The following CYB5R4 variants were observed in gnomAD, a reference collection of about 807,000 sequenced individuals.
The protein encoded by CYB5R4 is N-terminal cytochrome b5 and cytochrome b5 oxidoreductase domain-containing protein.
In CYB5R4, 55 loss-of-function variants were observed where a neutral mutation model predicts 70.2. The observed-to-expected ratio is 0.78, with a 90% confidence interval of 0.63 to 0.98. CYB5R4 has a LOEUF of 0.98. Ranked by LOEUF, CYB5R4 falls within the 50% of genes least tolerant of loss-of-function variation. The probability of loss-of-function intolerance (pLI) is 0.00; values close to 1 mark genes in which losing one functional copy is unlikely to be tolerated. For synonymous variants in CYB5R4, 197 were observed against 199.5 expected, an observed-to-expected ratio of 0.99 and a Z score of 0.11; for missense variants, 562 against 612.6, an observed-to-expected ratio of 0.92 and a Z score of 0.87.
chr6:83,924,120 A>T, intron 9 of CYB5R4, among the ~76,000 whole-genome samples: 1 of 145,472 alleles, frequency 6.9e-6, no homozygotes, highest in Admixed American at 6.8e-5. Flanking sequence ...GGGGCATTCG[A>T]TGCTAATTTG....
At chr6:83,922,096 C>T (rs879774996) in intron 8 of CYB5R4, among the ~76,000 whole-genome samples, 1 of 152,100 alleles carries the variant, frequency 6.6e-6, no homozygotes, top group Non-Finnish European at 1.5e-5. Flanking sequence ...CTGGGGCTTG[C>T]GTGCTTCAGG....
At chr6:83,873,388 G>A (rs577114013) in intron 2 of CYB5R4, among the ~76,000 whole-genome samples, 28 of 151,170 alleles carry the variant, frequency 1.9e-4, no homozygotes, top group Non-Finnish European at 3.0e-4. Context: ...TACAGGCACC[G>A]ATCACCACAC....
At position 83,940,546 on chromosome 6, in the gene CYB5R4, G is replaced by A; in HGVS notation, c.1291G>A (p.Glu431Lys). 1 of 1,595,422 alleles carries A rather than the reference G, an allele frequency of 6.3e-7. No homozygotes were observed. The highest frequency in any genetic ancestry group is 8.5e-7 in the Non-Finnish European group (1 of 1,174,628). Residue 431 changes from glutamate (E) to lysine (K), a missense_variant, in exon 14 of 16, where the codon GAA (glutamate) becomes AAA (lysine). Physicochemically the swap from Glu to Lys is moderately conservative, Grantham distance 56 (BLOSUM62 1). Coordinates refer to ENST00000369681, the MANE Select transcript of CYB5R4 (RefSeq NM_016230.4). ...KVKLMFFNKTEDDIIWRSQLE... is the reference protein window; with the variant it reads ...KVKLMFFNKTKDDIIWRSQLE... ...GAAGCTGATGTTCTTCAATAAAACAGAAGATGATATAATTTGGAGAAGCCA... is the reference window on the plus strand; with the variant it reads ...GAAGCTGATGTTCTTCAATAAAACAAAAGATGATATAATTTGGAGAAGCCA...
intron 3 of CYB5R4, among the ~76,000 whole-genome samples, chr6:83,902,847 G>T (rs907681556): frequency 2.0e-5 from 3 of 152,006 alleles, no homozygotes; most frequent in East Asian, 1.9e-4. Context: ...TTGGCGTATA[G>T]AAACACTGCT....
At chr6:83,900,328 G>C (rs575988011) in intron 3 of CYB5R4, among the ~76,000 whole-genome samples, 13 of 152,306 alleles carry the variant, frequency 8.5e-5, no homozygotes, top group African/African-American at 2.6e-4. Context: ...TGTGGTCTGA[G>C]AGACAGTTTG....
intron 3 of CYB5R4, among the ~76,000 whole-genome samples, chr6:83,900,338 G>T (rs183330440): frequency 6.6e-6 from 1 of 152,140 alleles, no homozygotes; most frequent in Non-Finnish European, 1.5e-5. Context: ...GAGACAGTTT[G>T]TTATAATTTC....
chr6:83,946,060 C>G (rs2099470560), intron 14 of CYB5R4, among the ~76,000 whole-genome samples: 1 of 152,166 alleles, frequency 6.6e-6, no homozygotes, highest in African/African-American at 2.4e-5. Context: ...GGAATCCTCC[C>G]TAACTCATTT....
intron 12 of CYB5R4, among the ~76,000 whole-genome samples, chr6:83,938,472 G>A (rs1008756066): frequency 3.7e-4 from 57 of 152,190 alleles, no homozygotes; most frequent in African/African-American, 1.2e-3. Context: ...TTTCAATCCC[G>A]TGTTCACTAA....
rs568458067 is a variant in CYB5R4 at position 83,889,057 on chromosome 6, G to A, written c.230-4465G>A. Among the ~76,000 whole-genome samples, 18 of 152,324 alleles carry A rather than the reference G, an allele frequency of 1.2e-4. No homozygotes were observed. In the South Asian group the frequency reaches 2.7e-3, roughly 23 times the overall value. On this transcript the variant is annotated intron_variant, in intron 2 of 15. Transcript: ENST00000369681. ...TTCTAGGAAGGCTGAGAGAGGTGAGGAAGCTGTGGAAGAAAAGTTAGAAAC... is the reference window on the plus strand; with the variant it reads ...TTCTAGGAAGGCTGAGAGAGGTGAGAAAGCTGTGGAAGAAAAGTTAGAAAC...
rs372234018 is a variant in CYB5R4 at position 83,943,421 on chromosome 6, C to A, written c.1346+2820C>A. On this transcript the variant is annotated intron_variant, in intron 14 of 15. Transcript: ENST00000369681. ...AAACAGAAAGCAATAGCATCAACAT[C>A]AAAAAAAAAAGGATGACCAAGCAAA... 5.5e-4 allele frequency among the ~76,000 whole-genome samples: 81 copies of A among 146,570 alleles called. No homozygotes were observed. The South Asian group carries it at 7.2e-3, about 13-fold the overall frequency.
chr6:83,904,416 T>C (rs890586639), intron 3 of CYB5R4, among the ~76,000 whole-genome samples: 1 of 152,212 alleles, frequency 6.6e-6, no homozygotes, highest in Admixed American at 6.5e-5. Flanking sequence ...ATTTCAGTGC[T>C]TAAAAATATG....
chr6:83,936,277 T>C lies in CYB5R4; in HGVS notation c.1009T>C (p.Phe337Leu), dbSNP rs915296010. 6.2e-7 allele frequency: 1 copy of C among 1,611,238 alleles called. No individual in the cohort carries two copies. Among genetic ancestry groups the C allele is most frequent in the Non-Finnish European group, 8.5e-7 (1 of 1,178,602 alleles). ...TGTATCTGGTTCCTTACTCTCAGAG[T>C]TCAAGGAACCAGTTCTTCCCAACAA... ...TPVSGSLLSE[F>L]KEPVLPNNKY... Residue 337 changes from phenylalanine to leucine, a missense_variant, in exon 12 of 16, where the codon TTC (phenylalanine) becomes CTC (leucine). Coordinates refer to ENST00000369681, the MANE Select transcript of CYB5R4 (RefSeq NM_016230.4).
chr6:83,935,223 A>C (rs940505360), intron 11 of CYB5R4, among the ~76,000 whole-genome samples: 1 of 151,976 alleles, frequency 6.6e-6, no homozygotes, highest in African/African-American at 2.4e-5. Flanking sequence ...TTTTTCTTTC[A>C]TTTTCATCCT....
intron 14 of CYB5R4, among the ~76,000 whole-genome samples, chr6:83,941,192 G>A (rs1023629196): frequency 2.0e-5 from 3 of 152,288 alleles, no homozygotes; most frequent in African/African-American, 7.2e-5. Flanking sequence ...GAACTCAGTA[G>A]TGGAATGGGA....
chr6:83,880,841 C>T (rs575557193), intron 2 of CYB5R4, among the ~76,000 whole-genome samples: 1 of 152,184 alleles, frequency 6.6e-6, no homozygotes, highest in Non-Finnish European at 1.5e-5. Flanking sequence ...TCTCCTCCTG[C>T]ATTGGCATCA....
chr6:83,893,647 A>C (rs776834820), intron 3 of CYB5R4, 25 bp downstream of exon 3: 1 of 1,331,704 alleles, frequency 7.5e-7, no homozygotes, highest in Non-Finnish European at 1.1e-6. Context: ...AAGTAACCAA[A>C]GTATTCCGGT....
intron 2 of CYB5R4, among the ~76,000 whole-genome samples, chr6:83,887,674 G>T (rs2099460464): frequency 6.6e-6 from 1 of 151,862 alleles, no homozygotes. Flanking sequence ...GTTTTAATAA[G>T]TGGCTCTTCT....
At chr6:83,958,707 G>A (rs2099472836) in intron 15 of CYB5R4, among the ~76,000 whole-genome samples, 1 of 152,146 alleles carries the variant, frequency 6.6e-6, no homozygotes, top group African/African-American at 2.4e-5. Context: ...GTATGTGTAT[G>A]CCCTCTGGGA....
chr6:83,919,584 T>C, intron 7 of CYB5R4, 130 bp downstream of exon 7: 2 of 443,952 alleles, frequency 4.5e-6, no homozygotes, highest in Non-Finnish European at 8.0e-6. Flanking sequence ...AGTATTGTTA[T>C]CCCTTTTGTA....
Sources: gnomAD v4.1 joint callset for allele counts (sites outside exome capture counted in the v4.1 genomes callset) on GRCh38, gnomAD v4.1.1 for gene constraint, MANE v1.5 for transcripts, NCBI Gene and HGNC (gene_info 2026-07-23, HGNC 2026-07-21) for gene names.